ACCSL: variants seen among roughly 807,000 people sequenced by gnomAD.
The protein encoded by ACCSL is 1-aminocyclopropane-1-carboxylate synthase homolog (inactive) like.
ACCSL carries 55 observed loss-of-function variants against 61.7 expected under a neutral mutation model. The ratio of observed to expected loss-of-function variants is 0.89; its 90% confidence interval spans 0.72 to 1.12. ACCSL has a LOEUF of 1.12. Among genes scored for constraint, ACCSL ranks in the 50% most tolerant of loss-of-function variants. The pLI, the probability that ACCSL is intolerant of heterozygous loss-of-function variation, is 0.00. For synonymous variants in ACCSL, 258 were observed against 264.3 expected (o/e 0.98, Z 0.23); for missense variants, 632 against 698.0 (o/e 0.91, Z 1.07).
chr11:43,960,582 A>AC, the ACCSL span, among the ~76,000 whole-genome samples: 1 of 151,992 alleles, frequency 6.6e-6, no homozygotes, highest in East Asian at 1.9e-4. Flanking sequence ...ATGAGGTTTC[A>AC]CCATGTTGGC....
the ACCSL span, chr11:43,944,585 C>G: frequency 1.3e-5 from 2 of 152,528 alleles, no homozygotes; most frequent in Non-Finnish European, 2.9e-5. Flanking sequence ...TTCTCCCCGC[C>G]CCTGCCTTTG....
At chr11:43,970,970 A>T in the ACCSL span, among the ~76,000 whole-genome samples, 27 of 152,364 alleles carry the variant, frequency 1.8e-4, no homozygotes, top group African/African-American at 6.3e-4. Context: ...GAAAGCTGCA[A>T]TGATAGTGGT....
the ACCSL span, among the ~76,000 whole-genome samples, chr11:43,985,657 A>G: frequency 3.5e-3 from 540 of 152,350 alleles, 3 homozygotes; most frequent in Non-Finnish European, 4.3e-3. Context: ...GAGAGGGTAC[A>G]TGGCAAACAG....
the ACCSL span, among the ~76,000 whole-genome samples, chr11:43,989,112 G>T: frequency 1.1e-4 from 17 of 152,294 alleles, no homozygotes; most frequent in African/African-American, 2.4e-5. Flanking sequence ...GGCGTTTAGG[G>T]CATGTGCAGG....
At chr11:44,036,380 C>A in the ACCSL span, among the ~76,000 whole-genome samples, 2 of 152,228 alleles carry the variant, frequency 1.3e-5, no homozygotes, top group Admixed American at 6.5e-5. Flanking sequence ...GATTGAGGAA[C>A]CTCGCTGGGC....
the ACCSL span, among the ~76,000 whole-genome samples, chr11:43,999,587 AG>A: frequency 6.6e-6 from 1 of 152,196 alleles, no homozygotes; most frequent in African/African-American, 2.4e-5. Flanking sequence ...AAAGCTAGCA[AG>A]GGTGAGTCTG....
At chr11:44,004,590 C>A in the ACCSL span, among the ~76,000 whole-genome samples, 2,029 of 152,288 alleles carry the variant, frequency 0.013, 28 homozygotes, top group Non-Finnish European at 0.018. Flanking sequence ...GCCCCAGCCG[C>A]AGGCAGGATG....
At chr11:43,962,194 G>A in the ACCSL span, among the ~76,000 whole-genome samples, 6,970 of 152,218 alleles carry the variant, frequency 0.046, 274 homozygotes, top group Non-Finnish European at 0.064. Flanking sequence ...CTGCCATAAT[G>A]GAAACCTAGT....
At chr11:43,973,039 G>T in the ACCSL span, among the ~76,000 whole-genome samples, 2 of 152,176 alleles carry the variant, frequency 1.3e-5, no homozygotes, top group African/African-American at 4.8e-5. Flanking sequence ...CTGGTTAAAT[G>T]CAGATTCTTG....
chr11:44,056,607 C>T (rs796393090), intron 11 of ACCSL, among the ~76,000 whole-genome samples: 9 of 152,060 alleles, frequency 5.9e-5, no homozygotes, highest in African/African-American at 1.9e-4. Context: ...CCGAGGTGGG[C>T]GGATCACTTG....
the ACCSL span, among the ~76,000 whole-genome samples, chr11:43,968,567 C>T: frequency 6.6e-6 from 1 of 152,140 alleles, no homozygotes; most frequent in Admixed American, 6.5e-5. Flanking sequence ...ACTTTCATTC[C>T]AAAATCTCTG....
the ACCSL span, among the ~76,000 whole-genome samples, chr11:44,013,172 A>G: frequency 6.6e-6 from 1 of 152,272 alleles, no homozygotes; most frequent in East Asian, 1.9e-4. Context: ...AGCAAAGTGC[A>G]AAACAGCGTG....
chr11:43,946,085 GTTGT>G, the ACCSL span, among the ~76,000 whole-genome samples: 1 of 152,048 alleles, frequency 6.6e-6, no homozygotes, highest in African/African-American at 2.4e-5. Flanking sequence ...TTTTGTTGTT[GTTGT>G]TTGTTTGTTT....
rs1952635931 is a variant in ACCSL, at chr11:44,051,217, T to C, written c.636-118T>C. The C allele has an allele frequency of 2.8e-5, 27 of 979,154 alleles. No individual in the cohort carries two copies. The South Asian group carries it at 3.4e-4, about 12-fold the overall frequency. 60.7% of individuals were successfully genotyped at this position (979,154 alleles called of 1,614,324 possible). A position where few individuals can be genotyped will look rare whatever the true frequency, so the allele number is the denominator to read the frequency against. ...AGTTGATGGTCTTAGTCAGTAGCCC[T>C]GTAATATGAGGTTGGACTGAGTAGA... On this transcript the variant is annotated intron_variant, in intron 3 of 13. Transcript: ENST00000378832.
chr11:43,971,145 C>T, the ACCSL span, among the ~76,000 whole-genome samples: 2 of 151,986 alleles, frequency 1.3e-5, no homozygotes, highest in Non-Finnish European at 2.9e-5. Context: ...CCAGCCTGGC[C>T]AACATGGTGA....
At chr11:43,987,129 C>T in the ACCSL span, among the ~76,000 whole-genome samples, 2 of 152,314 alleles carry the variant, frequency 1.3e-5, no homozygotes, top group South Asian at 4.1e-4. Context: ...ATCCTTGACT[C>T]CCCTGTCACT....
At chr11:43,989,142 G>T in the ACCSL span, among the ~76,000 whole-genome samples, 1 of 152,182 alleles carries the variant, frequency 6.6e-6, no homozygotes, top group African/African-American at 2.4e-5. Context: ...TTGTGGCCAG[G>T]CCTCAAGCTG....
the ACCSL span, among the ~76,000 whole-genome samples, chr11:43,998,250 G>A: frequency 2.6e-5 from 4 of 152,200 alleles, no homozygotes; most frequent in Admixed American, 6.5e-5. Flanking sequence ...GCACTGTTAC[G>A]TGGAAATGCT....
At chr11:44,008,440 G>A in the ACCSL span, among the ~76,000 whole-genome samples, 4 of 152,244 alleles carry the variant, frequency 2.6e-5, no homozygotes, top group South Asian at 2.1e-4. Context: ...AGGGCAAAAA[G>A]CAATGTCAGG....
Sources: allele counts gnomAD v4.1 joint callset (sites outside exome capture counted in the v4.1 genomes callset), GRCh38; gene constraint gnomAD v4.1.1; transcripts MANE v1.5; gene names NCBI Gene and HGNC (gene_info 2026-07-23, HGNC 2026-07-21).